The following OPRM1 variants were observed in gnomAD, a reference collection of about 807,000 sequenced individuals.
OPRM1 encodes the protein opioid receptor mu 1.
Under a neutral mutation model 31.8 loss-of-function variants are expected in OPRM1, and 27 were observed. The ratio of observed to expected loss-of-function variants is 0.85; its 90% CI spans 0.63 to 1.17. OPRM1 has a LOEUF of 1.17. OPRM1 is among the 50% of genes most tolerant of loss of function. The pLI is 0.00. For synonymous variants in OPRM1, 196 were observed against 189.9 expected (o/e 1.03, Z -0.26); for missense variants, 536 against 511.1 (o/e 1.05, Z -0.47).
chr6:154,142,813 T>G (rs560427732), intron 3 of OPRM1, among the ~76,000 whole-genome samples: 192 of 152,306 alleles, frequency 1.3e-3, no homozygotes, highest in Non-Finnish European at 2.2e-3. Flanking sequence ...TCCCCTCCAC[T>G]AGCTCGGATA....
intron 3 of OPRM1, chr6:154,158,476 T>TAA (rs1315616386): frequency 6.6e-6 from 1 of 152,224 alleles, no homozygotes; most frequent in Non-Finnish European, 1.5e-5. Context: ...GCACAAAGCT[T>TAA]AAAGTTTATT....
chr6:154,025,294 A>G (rs893750710), intron 1 of OPRM1, among the ~76,000 whole-genome samples: 5 of 150,736 alleles, frequency 3.3e-5, no homozygotes, highest in African/African-American at 1.2e-4. Flanking sequence ...CTCTCCTTGT[A>G]GCTTTTGGCT....
intron 1 of OPRM1, among the ~76,000 whole-genome samples, chr6:154,063,230 A>G (rs1784734832): frequency 6.6e-6 from 1 of 152,046 alleles, no homozygotes; most frequent in African/African-American, 2.4e-5. Flanking sequence ...AGATACAATA[A>G]TCACGGTTGT....
At chr6:154,209,189 T>C (rs1777754451) in intron 3 of OPRM1, among the ~76,000 whole-genome samples, 1 of 152,232 alleles carries the variant, frequency 6.6e-6, no homozygotes, top group Non-Finnish European at 1.5e-5. Flanking sequence ...CAAAATAGTA[T>C]TATTTTATAC....
intron 3 of OPRM1, among the ~76,000 whole-genome samples, chr6:154,240,175 T>C (rs73567183): frequency 0.018 from 2,774 of 152,346 alleles, 96 homozygotes; most frequent in African/African-American, 0.063. Context: ...AATTAGTTAA[T>C]TCATACAACT....
chr6:154,099,991 A>G (rs1329557204), intron 3 of OPRM1, among the ~76,000 whole-genome samples: 1 of 138,728 alleles, frequency 7.2e-6, no homozygotes, highest in East Asian at 2.0e-4. Context: ...ATAACATATT[A>G]TATATTATCA....
chr6:154,138,597 A>G (rs943768670), intron 3 of OPRM1, among the ~76,000 whole-genome samples: 7 of 152,220 alleles, frequency 4.6e-5, no homozygotes, highest in Non-Finnish European at 1.0e-4. Flanking sequence ...AGACAGAGAA[A>G]GAGGTCCAAC....
chr6:154,095,765 G>A (rs1399618930), intron 3 of OPRM1, among the ~76,000 whole-genome samples: 2 of 152,104 alleles, frequency 1.3e-5, no homozygotes, highest in South Asian at 2.1e-4. Flanking sequence ...CCTGATTTAT[G>A]TTCAGCTTGC....
chr6:154,052,800 G>A (rs565302129), intron 1 of OPRM1, among the ~76,000 whole-genome samples: 1 of 152,220 alleles, frequency 6.6e-6, no homozygotes, highest in African/African-American at 2.4e-5. Context: ...GTACTTAGTA[G>A]GTGTGTATAT....
chr6:154,242,831 T>C (rs1260223591), intron 3 of OPRM1, among the ~76,000 whole-genome samples: 2 of 152,028 alleles, frequency 1.3e-5, no homozygotes, highest in Non-Finnish European at 2.9e-5. Context: ...GAGGTTGCAG[T>C]GAGCCGAGAT....
At chr6:154,066,808 A>G (rs1388451221) in intron 1 of OPRM1, among the ~76,000 whole-genome samples, 1 of 152,162 alleles carries the variant, frequency 6.6e-6, no homozygotes, top group African/African-American at 2.4e-5. Flanking sequence ...TTTTCAATTG[A>G]CCAGCCTCCA....
chr6:154,038,507 A>G (rs1779458343), upstream of OPRM1, among the ~76,000 whole-genome samples: 1 of 152,236 alleles, frequency 6.6e-6, no homozygotes, highest in African/African-American at 2.4e-5. Context: ...TTACACTAGA[A>G]AACAGACTGA....
chr6:154,026,397 T>G (rs1778698734), intron 1 of OPRM1, among the ~76,000 whole-genome samples: 1 of 152,128 alleles, frequency 6.6e-6, no homozygotes, highest in South Asian at 2.1e-4. Flanking sequence ...GTTTGATTAT[T>G]AAATGCCTTG....
chr6:154,121,023 C>T lies in OPRM1; in HGVS notation c.*2302C>T, dbSNP rs988699431. ...ATTTTTTAACGTAAATTTGCTAGAA[C>T]CACCTTCCAATTCCAAGGCAAGGAG... On this transcript the variant is annotated 3_prime_UTR_variant, in exon 4 of 4. Coordinates refer to ENST00000330432, the MANE Select transcript of OPRM1 (RefSeq NM_000914.5). 1.3e-5 allele frequency among the ~76,000 whole-genome samples: 2 copies of T among 152,160 alleles called. No individual in the cohort carries two copies. The highest frequency in any genetic ancestry group is 2.1e-4 in the South Asian group (1 of 4,826).
chr6:154,192,362 G>GTGTGTGTATGCA (rs1801978835), intron 3 of OPRM1, among the ~76,000 whole-genome samples: 2 of 150,468 alleles, frequency 1.3e-5, no homozygotes. Context: ...GTATGCATGT[G>GTGTGTGTATGCA]TGTGTATTTA....
At chr6:154,075,322 A>T (rs1787627281) in intron 1 of OPRM1, among the ~76,000 whole-genome samples, 1 of 152,222 alleles carries the variant, frequency 6.6e-6, no homozygotes, top group African/African-American at 2.4e-5. Context: ...ATTGAAAATG[A>T]TACGGTGAGC....
chr6:154,094,679 AAG>A (rs568836410), intron 3 of OPRM1, among the ~76,000 whole-genome samples: 62 of 152,290 alleles, frequency 4.1e-4, no homozygotes, highest in Non-Finnish European at 7.8e-4. Flanking sequence ...AAGAGAAAGA[AAG>A]AGAGAGAGAA....
chr6:154,090,080 C>G lies in OPRM1; in HGVS notation c.545C>G (p.Thr182Ser). 4 of 1,614,154 alleles carry G rather than the reference C, an allele frequency of 2.5e-6. No individual in the cohort carries two copies. Among genetic ancestry groups the G allele is most frequent in the Non-Finnish European group, 3.4e-6 (4 of 1,179,986 alleles). The change falls in exon 2 of 4, where the codon ACT becomes AGT. Residue 182 changes from threonine to serine, a missense_variant. Thr to Ser is a moderately conservative substitution (Grantham distance 58). Transcript: ENST00000330432. The stretch of plus-strand genomic sequence containing the variant: ...CCTGTCAAGGCCTTAGATTTCCGTA[C>G]TCCCCGAAATGCCAAAATTATCAAT... Reference protein sequence around the residue: ...CHPVKALDFRTPRNAKIINVC... With the variant: ...CHPVKALDFRSPRNAKIINVC...
chr6:154,078,870 CT>C (rs757086315), intron 1 of OPRM1, among the ~76,000 whole-genome samples: 3 of 149,118 alleles, frequency 2.0e-5, no homozygotes, highest in Non-Finnish European at 4.4e-5. Flanking sequence ...AGAGCCAGAC[CT>C]TATGTCAGGA....
Sources: allele counts gnomAD v4.1 joint callset (sites outside exome capture counted in the v4.1 genomes callset), GRCh38; gene constraint gnomAD v4.1.1; transcripts MANE v1.5; gene names NCBI Gene and HGNC (gene_info 2026-07-23, HGNC 2026-07-21).